Variants in MEGF11 observed in about 807,000 individuals in gnomAD.
The protein encoded by MEGF11 is multiple EGF like domains 11.
A neutral mutation model predicts 146.6 loss-of-function variants in MEGF11; 126 were observed. The ratio of observed to expected loss-of-function variants is 0.86; its 90% confidence interval spans 0.74 to 1.00. The LOEUF is 1.00. Among genes scored for constraint, MEGF11 ranks in the 50% least tolerant of loss-of-function variants. The pLI, the probability that MEGF11 is intolerant of heterozygous loss-of-function variation, is 0.00. For synonymous variants in MEGF11, 532 were observed against 583.4 expected (o/e 0.91, Z 1.27); for missense variants, 1,509 against 1,521.2 (o/e 0.99, Z 0.13).
intron 10 of MEGF11, among the ~76,000 whole-genome samples, chr15:65,939,848 T>C (rs1049063876): frequency 6.6e-6 from 1 of 152,150 alleles, no homozygotes; most frequent in Non-Finnish European, 1.5e-5. Context: ...CTGTTACTGC[T>C]CCTTTGTGTC....
chr15:65,996,516 C>T (rs185032289), intron 5 of MEGF11, among the ~76,000 whole-genome samples: 29 of 150,378 alleles, frequency 1.9e-4, no homozygotes, highest in African/African-American at 6.6e-4. Context: ...GATGGAGTCT[C>T]ACTCTGTCGC....
intron 24 of MEGF11, among the ~76,000 whole-genome samples, chr15:65,902,696 TC>T (rs2078524413): frequency 6.6e-6 from 1 of 152,018 alleles, no homozygotes; most frequent in Admixed American, 6.6e-5. Context: ...GCTCTGGGAG[TC>T]ACTCCTCCAA....
chr15:66,252,485 T>A (rs111781350), intron 1 of MEGF11, among the ~76,000 whole-genome samples: 2,267 of 152,158 alleles, frequency 0.015, 41 homozygotes, highest in South Asian at 0.054. Context: ...CGGGAGACAG[T>A]CACACTGGCC....
At chr15:66,223,680 GC>G (rs1309878163) in intron 1 of MEGF11, among the ~76,000 whole-genome samples, 1 of 152,260 alleles carries the variant, frequency 6.6e-6, no homozygotes, top group African/African-American at 2.4e-5. Context: ...CTGAGATGGT[GC>G]CATTGCGCTC....
chr15:66,248,846 C>T (rs1175561588), intron 1 of MEGF11, among the ~76,000 whole-genome samples: 1 of 152,208 alleles, frequency 6.6e-6, no homozygotes, highest in Admixed American at 6.5e-5. Context: ...CCAGAACAGA[C>T]ATGTTAAGCC....
At chr15:65,904,776 CAG>C (rs2078578477) in intron 24 of MEGF11, among the ~76,000 whole-genome samples, 1 of 152,204 alleles carries the variant, frequency 6.6e-6, no homozygotes, top group Non-Finnish European at 1.5e-5. Context: ...AGATTTGCAT[CAG>C]AGTTTTGAGG....
At position 65,897,652 on chromosome 15, in the gene MEGF11, T is replaced by G; in HGVS notation, c.*282A>C. 4.4e-6 allele frequency: 1 copy of G among 227,172 alleles called. No homozygotes were observed. Among genetic ancestry groups the G allele is most frequent in the Non-Finnish European group, 8.5e-6 (1 of 117,516 alleles). The allele number at this position is 227,172 out of a possible 1,614,324, so 14.1% of individuals were successfully genotyped here. A position where few individuals can be genotyped will look rare whatever the true frequency, so the allele number is the denominator to read the frequency against. On this transcript the variant is annotated 3_prime_UTR_variant, in exon 26 of 26. Transcript: ENST00000395614. Reference sequence around the variant, plus strand: ...TAAATATATATATATATATCAGCTATATTTAGCTGATGTTGATGAGTAGCT... The same window carrying G: ...TAAATATATATATATATATCAGCTAGATTTAGCTGATGTTGATGAGTAGCT...
intron 4 of MEGF11, among the ~76,000 whole-genome samples, chr15:66,117,954 T>A (rs933429557): frequency 1.1e-4 from 17 of 152,184 alleles, no homozygotes; most frequent in African/African-American, 4.1e-4. Context: ...TTGGGGGAGA[T>A]GTAACAACAG....
At chr15:65,966,170 A>G (rs920680013) in intron 8 of MEGF11, among the ~76,000 whole-genome samples, 7 of 151,958 alleles carry the variant, frequency 4.6e-5, no homozygotes, top group Non-Finnish European at 2.9e-5. Context: ...TAATTTTTGT[A>G]TTTTTACTAG....
intron 5 of MEGF11, among the ~76,000 whole-genome samples, chr15:66,027,838 C>A (rs962120043): frequency 6.6e-6 from 1 of 152,176 alleles, no homozygotes; most frequent in Non-Finnish European, 1.5e-5. Context: ...CCCAGGCTAG[C>A]GTTCTTAAGC....
At chr15:66,038,414 G>A (rs2083808770) in intron 5 of MEGF11, among the ~76,000 whole-genome samples, 1 of 152,118 alleles carries the variant, frequency 6.6e-6, no homozygotes, top group South Asian at 2.1e-4. Context: ...TTAAGGGAGC[G>A]ATGCCCTAAA....
chr15:66,013,214 C>T (rs1222467268), intron 5 of MEGF11, among the ~76,000 whole-genome samples: 2 of 152,226 alleles, frequency 1.3e-5, no homozygotes, highest in Non-Finnish European at 2.9e-5. Flanking sequence ...ATCTTGTTCT[C>T]TGGCCTCCAT....
chr15:66,212,795 C>T (rs1265240088), intron 1 of MEGF11, among the ~76,000 whole-genome samples: 1 of 10 alleles, frequency 0.1, no homozygotes, highest in African/African-American at 0.25. Context: ...GCCAGGGACT[C>T]CCCCCCAGCC....
At chr15:66,111,200 T>C (rs1015723551) in intron 4 of MEGF11, among the ~76,000 whole-genome samples, 1 of 152,186 alleles carries the variant, frequency 6.6e-6, no homozygotes, top group Admixed American at 6.5e-5. Flanking sequence ...ATACTGCAGG[T>C]GAAAGCGCCG....
chr15:66,080,762 G>T (rs760484999), intron 5 of MEGF11, among the ~76,000 whole-genome samples: 1 of 152,178 alleles, frequency 6.6e-6, no homozygotes, highest in Non-Finnish European at 1.5e-5. Flanking sequence ...TTGCTGCTAC[G>T]TACACAGCTC....
At chr15:65,965,602 T>TTCTTTCTTTCTTTCTTTCTTTCTTTC (rs143389411) in intron 8 of MEGF11, among the ~76,000 whole-genome samples, 1 of 32,202 alleles carries the variant, frequency 3.1e-5, no homozygotes, top group African/African-American at 8.0e-5. Context: ...CTTTCTTTCT[T>TTCTTTCTTTCTTTCTTTCTTTCTTTC]TTTTTTTTTT....
chr15:66,107,528 T>C (rs1384449798), intron 4 of MEGF11, among the ~76,000 whole-genome samples: 1 of 152,180 alleles, frequency 6.6e-6, no homozygotes, highest in Non-Finnish European at 1.5e-5. Context: ...GGTGGCCTCC[T>C]GGGTTCTGCG....
At chr15:66,156,736 G>T (rs572984597) in intron 1 of MEGF11, among the ~76,000 whole-genome samples, 1 of 152,186 alleles carries the variant, frequency 6.6e-6, no homozygotes, top group African/African-American at 2.4e-5. Flanking sequence ...CCCTAGTCTG[G>T]TGAACTCACA....
chr15:66,090,248 G>A (rs1483467863), intron 5 of MEGF11, among the ~76,000 whole-genome samples: 1 of 152,184 alleles, frequency 6.6e-6, no homozygotes. Flanking sequence ...GGTAGGGGCA[G>A]GGAGTTGGAT....
Sources: gnomAD v4.1 joint callset for allele counts (sites outside exome capture counted in the v4.1 genomes callset) on GRCh38, gnomAD v4.1.1 for gene constraint, MANE v1.5 for transcripts, NCBI Gene and HGNC (gene_info 2026-07-23, HGNC 2026-07-21) for gene names.